FAM222B: variants seen among roughly 807,000 people sequenced by gnomAD.
FAM222B encodes the protein protein FAM222B.
FAM222B carries 12 observed loss-of-function variants against 38.0 expected under a neutral mutation model. That is an observed-to-expected ratio of 0.32 (90% CI 0.20 to 0.51). FAM222B has a LOEUF of 0.51. FAM222B is among the 20% of genes least tolerant of loss of function. The pLI is 0.97. For synonymous variants in FAM222B, 329 were observed against 317.2 expected (o/e 1.04, Z -0.40); for missense variants, 716 against 754.2 (o/e 0.95, Z 0.59).
chr17:28,787,043 GC>G, intron 1 of FAM222B, among the ~76,000 whole-genome samples: 1 of 152,038 alleles, frequency 6.6e-6, no homozygotes, highest in Middle Eastern at 3.4e-3. Flanking sequence ...TCCTGCCTCA[GC>G]CTCCTGAGTA....
At chr17:28,777,054 A>G (rs1008260720) in intron 1 of FAM222B, 6 of 152,188 alleles carry the variant, frequency 3.9e-5, no homozygotes, top group African/African-American at 1.4e-4. Flanking sequence ...TGACCTGAAT[A>G]ATGTTTAGCC....
intron 1 of FAM222B, among the ~76,000 whole-genome samples, chr17:28,813,171 T>C (rs1446534781): frequency 1.5e-5 from 2 of 130,596 alleles, no homozygotes; most frequent in Non-Finnish European, 3.3e-5. Context: ...AAAACACACA[T>C]AGTTGGCTCC....
At chr17:28,826,132 C>T (rs889633166) in intron 1 of FAM222B, among the ~76,000 whole-genome samples, 4 of 151,642 alleles carry the variant, frequency 2.6e-5, no homozygotes, top group Non-Finnish European at 4.4e-5. Context: ...TGCAGTGGCA[C>T]GATCTTGGCT....
intron 2 of FAM222B, among the ~76,000 whole-genome samples, chr17:28,764,151 A>C (rs914763020): frequency 2.6e-5 from 4 of 152,166 alleles, no homozygotes; most frequent in Non-Finnish European, 5.9e-5. Context: ...GCATGCCTGT[A>C]ATCTGAGCTA....
chr17:28,778,342 C>T (rs751056263), intron 1 of FAM222B, among the ~76,000 whole-genome samples: 28 of 151,794 alleles, frequency 1.8e-4, no homozygotes, highest in African/African-American at 6.3e-4. Context: ...TGAGAACATG[C>T]GGTGTTTGGT....
rs539885285 is a variant in FAM222B, at chr17:28,824,955, G to T, written c.-41+17727C>A. ...TAATTTTGTATTTTTAGTAGAGATG[G>T]GGTTTCTCCATGTTGGTCTGGCTGG... is the stretch of plus-strand genomic sequence containing the variant. On this transcript the variant is annotated intron_variant, in intron 1 of 2. Coordinates refer to ENST00000581407, the MANE Select transcript of FAM222B (RefSeq NM_001077498.3). Among the ~76,000 whole-genome samples, 109 of 152,110 alleles carry T rather than the reference G, an allele frequency of 7.2e-4. 1 individual carries two copies. The highest frequency in any genetic ancestry group is 2.6e-3 in the African/African-American group (106 of 41,494).
intron 1 of FAM222B, chr17:28,790,529 T>C (rs2036613052): frequency 6.6e-6 from 1 of 152,104 alleles, no homozygotes; most frequent in African/African-American, 2.4e-5. Flanking sequence ...GTTATGAACA[T>C]CAAAGAAGGC....
At chr17:28,766,048 G>C (rs1347766404) in intron 2 of FAM222B, among the ~76,000 whole-genome samples, 1 of 146,316 alleles carries the variant, frequency 6.8e-6, no homozygotes, top group African/African-American at 2.5e-5. Flanking sequence ...CCTTTTTTAA[G>C]GGTGATATAT....
At chr17:28,835,699 G>A (rs187443538) in intron 1 of FAM222B, among the ~76,000 whole-genome samples, 30 of 152,104 alleles carry the variant, frequency 2.0e-4, no homozygotes, top group Admixed American at 9.8e-4. Flanking sequence ...TCACTCTGTC[G>A]CCCAGGCTGG....
At chr17:28,761,927 G>GC (rs2035092096) in intron 2 of FAM222B, 1 of 152,084 alleles carries the variant, frequency 6.6e-6, no homozygotes, top group African/African-American at 2.4e-5. Context: ...TTTAAACCTA[G>GC]CCCACCTCCA....
chr17:28,844,731 G>A (rs1449105495), upstream of FAM222B, among the ~76,000 whole-genome samples: 2 of 152,152 alleles, frequency 1.3e-5, no homozygotes, highest in East Asian at 3.9e-4. Context: ...TGGGAGGCCA[G>A]GTTGGGAGGA....
chr17:28,758,810 C>T lies in FAM222B; in HGVS notation c.1149G>A (p.Thr383=), dbSNP rs34697365. The change falls in exon 3 of 3, where the codon ACG becomes ACA. Residue 383 remains threonine (T), a synonymous_variant. Coordinates refer to ENST00000581407, the MANE Select transcript of FAM222B (RefSeq NM_001077498.3). ...GCTTGCCTGTCAGGCCAGGGGCTGG[C>T]GTCCCACTAGCCTCGCTGCACATCT... The part of the protein sequence containing the change: ...LQQMCSEASG[T]PAPGLTGKHA... 718 of 1,580,146 alleles carry T rather than the reference C, an allele frequency of 4.5e-4. 4 individuals are homozygous for T. The African/African-American group carries it at 8.7e-3, about 19-fold the overall frequency.
chr17:28,790,827 GA>G (rs903997372), intron 1 of FAM222B, among the ~76,000 whole-genome samples: 9 of 109,476 alleles, frequency 8.2e-5, no homozygotes, highest in South Asian at 5.7e-4. Context: ...ATGATTGAAA[GA>G]AAAAAAATTA....
chr17:28,778,697 G>GTATA (rs1204895077), intron 1 of FAM222B, among the ~76,000 whole-genome samples: 71 of 45,340 alleles, frequency 1.6e-3, no homozygotes, highest in Admixed American at 6.8e-3. Flanking sequence ...GTGTGTGTGT[G>GTATA]TATATATATA....
At chr17:28,813,788 C>T (rs946317782) in intron 1 of FAM222B, among the ~76,000 whole-genome samples, 2 of 151,664 alleles carry the variant, frequency 1.3e-5, no homozygotes, top group East Asian at 1.9e-4. Flanking sequence ...CGTCGTGATC[C>T]GCCCGCCTCG....
At chr17:28,782,912 C>T (rs1022286860) in intron 1 of FAM222B, among the ~76,000 whole-genome samples, 2 of 151,844 alleles carry the variant, frequency 1.3e-5, no homozygotes, top group Non-Finnish European at 2.9e-5. Flanking sequence ...CCGAGGCAGG[C>T]GGATCACGAG....
chr17:28,801,152 G>T lies in FAM222B; in HGVS notation c.-40-34445C>A, dbSNP rs148736193. 2.4e-4 allele frequency among the ~76,000 whole-genome samples: 31 copies of T among 129,740 alleles called. 1 individual carries two copies. Among genetic ancestry groups the T allele is most frequent in the African/African-American group, 9.2e-4 (31 of 33,770 alleles). The allele number at this position is 129,740 out of a possible 152,430, so 85.1% of individuals were successfully genotyped here. A position where few individuals can be genotyped will look rare whatever the true frequency, so the allele number is the denominator to read the frequency against. On this transcript the variant is annotated intron_variant, in intron 1 of 2. Coordinates refer to ENST00000581407, the MANE Select transcript of FAM222B (RefSeq NM_001077498.3). Reference sequence around the variant, plus strand: ...AGCTTGGACGACAGAGCGAGACTCCGTCTCAAAGAAAAAAAAAAAGACCAG... The same window carrying T: ...AGCTTGGACGACAGAGCGAGACTCCTTCTCAAAGAAAAAAAAAAAGACCAG...
intron 1 of FAM222B, among the ~76,000 whole-genome samples, chr17:28,773,713 A>G (rs905372464): frequency 6.6e-6 from 1 of 151,212 alleles, no homozygotes; most frequent in East Asian, 1.9e-4. Flanking sequence ...CAGGAGAATC[A>G]CCTGGGTCCA....
chr17:28,805,399 G>A (rs939519256), intron 1 of FAM222B, among the ~76,000 whole-genome samples: 3 of 152,128 alleles, frequency 2.0e-5, no homozygotes, highest in Non-Finnish European at 2.9e-5. Context: ...GCCTGGTGTG[G>A]TGGTACATGC....
Sources: gnomAD v4.1 joint callset for allele counts (sites outside exome capture counted in the v4.1 genomes callset) on GRCh38, gnomAD v4.1.1 for gene constraint, MANE v1.5 for transcripts, NCBI Gene and HGNC (gene_info 2026-07-23, HGNC 2026-07-21) for gene names.